Variants in DNAH7 observed in about 807,000 individuals in gnomAD.
DNAH7 encodes dynein axonemal heavy chain 7.
In DNAH7, 397 loss-of-function variants were observed where a neutral mutation model predicts 444.6. The observed-to-expected ratio is 0.89, with a 90% confidence interval of 0.82 to 0.97. The LOEUF (loss-of-function observed/expected upper bound fraction) is 0.97. Among genes scored for constraint, DNAH7 ranks in the 50% least tolerant of loss-of-function variants. The pLI is 0.00. For missense variants in DNAH7, 4,902 were observed against 4,800.8 expected (o/e 1.02, Z -0.62); for synonymous variants, 1,636 against 1,624.4 (o/e 1.01, Z -0.17).
intron 48 of DNAH7, among the ~76,000 whole-genome samples, chr2:195,828,282 T>C (rs893587920): frequency 2.0e-5 from 3 of 152,134 alleles, no homozygotes; most frequent in South Asian, 2.1e-4. Context: ...GTTGAAACTT[T>C]CTTTTCAAAT....
intron 15 of DNAH7, among the ~76,000 whole-genome samples, chr2:195,980,075 A>C (rs1283135377): frequency 2.0e-5 from 3 of 150,880 alleles, no homozygotes; most frequent in South Asian, 2.1e-4. Flanking sequence ...AAAAAAAAAA[A>C]AAAAAAAAAA....
At chr2:195,882,195 A>G (rs1338109478) in intron 35 of DNAH7, among the ~76,000 whole-genome samples, 1 of 152,254 alleles carries the variant, frequency 6.6e-6, no homozygotes, top group Non-Finnish European at 1.5e-5. Flanking sequence ...ATGAATACAA[A>G]TGAAACAGCA....
At position 195,861,764 on chromosome 2, in the gene DNAH7, G is replaced by A. The variant is rs756612527; in HGVS notation, c.7689C>T (p.Tyr2563=). The change falls in exon 42 of 65, where the codon TAC becomes TAT. Residue 2563 remains tyrosine, a synonymous_variant. Coordinates refer to ENST00000312428, the MANE Select transcript of DNAH7 (RefSeq NM_018897.3). ...QRYNYVTPTS[Y]LELISTFKLL... is the part of the protein sequence containing the mutation. ...GTTTGAAGGTGGAGATTAATTCGAG[G>A]TAAGAGGTAGGAGTCACATAATTGT... The A allele has an allele frequency of 3.7e-6, 6 of 1,613,464 alleles. No homozygotes were observed. The highest frequency in any genetic ancestry group is 5.1e-6 in the Non-Finnish European group (6 of 1,179,524).
intron 54 of DNAH7, among the ~76,000 whole-genome samples, chr2:195,800,680 T>C (rs1437688487): frequency 6.6e-6 from 1 of 152,162 alleles, no homozygotes; most frequent in Non-Finnish European, 1.5e-5. Flanking sequence ...CTCACTCACA[T>C]CAAACAAATA....
chr2:195,778,640 ATAAATATATATAT>A lies in DNAH7; in HGVS notation c.10879-668_10879-656del, dbSNP rs1263033335. ...TCTGAAAAAAAAAAAAAATAAATAA[ATAAATATATATAT>A]ATATATATATATATATACACACACA... On this transcript the variant is annotated intron_variant, in intron 58 of 64. Coordinates refer to ENST00000312428, the MANE Select transcript of DNAH7 (RefSeq NM_018897.3). Among the ~76,000 whole-genome samples the A allele has an allele frequency of 0.012, 772 of 61,792 alleles. 160 individuals carry two copies. In the East Asian group the frequency reaches 0.23, roughly 18 times the overall value. The allele number at this position is 61,792 out of a possible 152,430, so 40.5% of individuals were successfully genotyped here.
intron 2 of DNAH7, among the ~76,000 whole-genome samples, chr2:196,057,433 C>A (rs1177081056): frequency 6.6e-6 from 1 of 152,080 alleles, no homozygotes; most frequent in Non-Finnish European, 1.5e-5. Flanking sequence ...ATGTCTATTT[C>A]ATTTCAGGTT....
At chr2:195,786,933 T>G in intron 58 of DNAH7, 77 bp downstream of exon 58, 1 of 1,401,650 alleles carries the variant, frequency 7.1e-7, no homozygotes, top group Admixed American at 2.5e-5. Context: ...TAATCAGAAG[T>G]GCCCACTTAC....
In DNAH7 at chr2:195,754,512, T is replaced by C. The variant is rs1693973993; in HGVS notation, c.11589A>G (p.Gln3863=). The C allele has an allele frequency of 6.2e-7, 1 of 1,613,466 alleles. No individual in the cohort carries two copies. The highest frequency in any genetic ancestry group is 1.1e-5 in the South Asian group (1 of 90,972). Residue 3863 remains glutamine, a splice_region_variant and synonymous_variant, in exon 63 of 65, where the codon CAA becomes CAG. Transcript: ENST00000312428. The stretch of plus-strand genomic sequence containing the variant: ...CTGGAGGAGGACCAACCTCATACCA[T>C]TGCTAGGGTGTAAAACACAAGTGGG... ...DFLARLKFLQ[Q]WYEVGPPPVF...
At chr2:195,794,593 A>C (rs1696049554) in intron 56 of DNAH7, 55 bp from the exon 57 acceptor site, 91 of 1,522,402 alleles carry the variant, frequency 6.0e-5, no homozygotes, top group Non-Finnish European at 7.2e-5. Context: ...AGAAAATCTC[A>C]AAAGCATACA....
At chr2:195,755,533 A>G (rs543216538) in intron 62 of DNAH7, among the ~76,000 whole-genome samples, 9 of 152,374 alleles carry the variant, frequency 5.9e-5, no homozygotes, top group Admixed American at 2.0e-4. Context: ...TGACTGTAGC[A>G]TAACAAAAGG....
At chr2:195,858,401 T>C (rs961541700) in intron 43 of DNAH7, 73 bp downstream of exon 43, 1 of 1,278,516 alleles carries the variant, frequency 7.8e-7, no homozygotes, top group African/African-American at 1.5e-5. Flanking sequence ...CAAACTAGAC[T>C]AGAACACAAT....
intron 1 of DNAH7, among the ~76,000 whole-genome samples, chr2:196,059,055 T>A (rs183052511): frequency 3.0e-4 from 45 of 152,162 alleles, no homozygotes; most frequent in Admixed American, 2.0e-3. Context: ...TTCATGAGGG[T>A]TCCAAGACAA....
chr2:196,027,512 T>C (rs1652315564), intron 6 of DNAH7, among the ~76,000 whole-genome samples: 2 of 152,078 alleles, frequency 1.3e-5, no homozygotes, highest in Admixed American at 1.3e-4. Context: ...ATGTCACTTA[T>C]TAGAAAAAAT....
chr2:196,004,407 C>T (rs1694234815), intron 10 of DNAH7, among the ~76,000 whole-genome samples: 2 of 152,104 alleles, frequency 1.3e-5, no homozygotes, highest in South Asian at 4.1e-4. Flanking sequence ...TAAAATAAGT[C>T]TCAATAAATG....
chr2:196,048,318 A>G lies in DNAH7; in HGVS notation c.228T>C (p.Ser76=). The G allele has an allele frequency of 6.2e-7, 1 of 1,613,708 alleles. No homozygotes were observed. Among genetic ancestry groups the G allele is most frequent in the Non-Finnish European group, 8.5e-7 (1 of 1,179,746 alleles). ...KQDDESPEPF[S]VKNEQSHAEY... is the part of the protein sequence containing the mutation. Reference sequence around the variant, plus strand: ...TACCATGGGACTGTTCATTTTTAACACTAAATGGTTCTGGACTCTCATCAT... The same window carrying G: ...TACCATGGGACTGTTCATTTTTAACGCTAAATGGTTCTGGACTCTCATCAT... The change falls in exon 4 of 65, where the codon AGT becomes AGC. Residue 76 remains serine (S), a synonymous_variant. Coordinates refer to ENST00000312428, the MANE Select transcript of DNAH7 (RefSeq NM_018897.3).
At chr2:195,966,290 T>G (rs1559283111) in intron 17 of DNAH7, among the ~76,000 whole-genome samples, 1 of 152,230 alleles carries the variant, frequency 6.6e-6, no homozygotes, top group African/African-American at 2.4e-5. Context: ...TTTCTAGTTT[T>G]ATTCCACCGT....
rs549741501 is a variant in DNAH7 at position 195,885,104 on chromosome 2, A to G, written c.5539-295T>C. Among the ~76,000 whole-genome samples the G allele has an allele frequency of 9.2e-5, 14 of 152,366 alleles. No homozygotes were observed. In the East Asian group the frequency reaches 1.7e-3, roughly 19 times the overall value. ...ATTTTCAACACATGACAGCAGCTTG[A>G]TATTAAAAGGAACATAGAAATAAAT... On this transcript the variant is annotated intron_variant, in intron 34 of 64. Coordinates refer to ENST00000312428, the MANE Select transcript of DNAH7 (RefSeq NM_018897.3).
intron 43 of DNAH7, 138 bp from the exon 44 acceptor site, chr2:195,857,861 C>T: frequency 4.1e-6 from 3 of 735,704 alleles, no homozygotes; most frequent in Non-Finnish European, 6.2e-6. Flanking sequence ...TAGAACTGCA[C>T]TTACACTTTT....
chr2:196,064,512 AAACATACAGAAAAT>A (rs1303271911), intron 1 of DNAH7, among the ~76,000 whole-genome samples: 2 of 152,134 alleles, frequency 1.3e-5, no homozygotes, highest in African/African-American at 2.4e-5. Flanking sequence ...GAAATATTTC[AAACATACAGAAAAT>A]AGCATCATGA....
Sources: gnomAD v4.1 joint callset for allele counts (sites outside exome capture counted in the v4.1 genomes callset) on GRCh38, gnomAD v4.1.1 for gene constraint, MANE v1.5 for transcripts, NCBI Gene and HGNC (gene_info 2026-07-23, HGNC 2026-07-21) for gene names.